The following NDRG3 variants were observed in gnomAD, a reference collection of about 807,000 sequenced individuals.
The protein encoded by NDRG3 is protein NDRG3.
A neutral mutation model predicts 57.2 loss-of-function variants in NDRG3; 23 were observed. The observed-to-expected ratio is 0.40, with a 90% CI of 0.29 to 0.57. The LOEUF (loss-of-function observed/expected upper bound fraction) is 0.57. Among genes scored for constraint, NDRG3 ranks in the 20% least tolerant of loss-of-function variants. NDRG3 has a pLI of 0.42. For missense variants in NDRG3, 384 were observed against 457.3 expected (o/e 0.84, Z 1.46); for synonymous variants, 132 against 162.6 (o/e 0.81, Z 1.43).
At chr20:36,684,797 G>A (rs904088637) in intron 5 of NDRG3, among the ~76,000 whole-genome samples, 9 of 151,668 alleles carry the variant, frequency 5.9e-5, no homozygotes, top group African/African-American at 1.9e-4. Context: ...TGCCGTGAGC[G>A]GAGATCATGC....
At chr20:36,723,531 C>T (rs1984725139) in intron 1 of NDRG3, among the ~76,000 whole-genome samples, 1 of 151,916 alleles carries the variant, frequency 6.6e-6, no homozygotes, top group African/African-American at 2.4e-5. Context: ...AGGGTCCCTG[C>T]CTCTAAAGAG....
intron 1 of NDRG3, among the ~76,000 whole-genome samples, chr20:36,744,197 C>T (rs901852807): frequency 3.9e-5 from 6 of 152,096 alleles, no homozygotes; most frequent in Non-Finnish European, 8.8e-5. Flanking sequence ...CCGCAGCGCC[C>T]GGTCCATAAA....
intron 14 of NDRG3, 29 bp from the exon 15 acceptor site, chr20:36,656,440 T>C (rs1025717407): frequency 3.7e-6 from 6 of 1,614,004 alleles, no homozygotes; most frequent in Non-Finnish European, 5.1e-6. Flanking sequence ...AGGGCATTAA[T>C]TTTTGCATAG....
intron 3 of NDRG3, among the ~76,000 whole-genome samples, chr20:36,694,542 G>A (rs1449433877): frequency 6.6e-6 from 1 of 152,050 alleles, no homozygotes. Context: ...CTCTGGTGTG[G>A]TGTCTACTAG....
intron 2 of NDRG3, among the ~76,000 whole-genome samples, chr20:36,715,002 GTGTGTATA>G (rs1210468643): frequency 6.8e-3 from 269 of 39,422 alleles, no homozygotes; most frequent in East Asian, 0.03. Context: ...GTGTGTGTGT[GTGTGTATA>G]TATATATATA....
chr20:36,701,544 C>CTTTT (rs897071523), intron 3 of NDRG3, among the ~76,000 whole-genome samples: 1 of 124,276 alleles, frequency 8.0e-6, no homozygotes, highest in African/African-American at 2.9e-5. Flanking sequence ...GACCCTGTAT[C>CTTTT]TTTTTTTTTT....
intron 1 of NDRG3, among the ~76,000 whole-genome samples, chr20:36,723,927 G>A (rs1482700725): frequency 6.6e-6 from 1 of 151,874 alleles, no homozygotes. Context: ...GGCTGGTCTT[G>A]AACTCCTGCC....
intron 3 of NDRG3, among the ~76,000 whole-genome samples, chr20:36,692,242 C>T (rs961925915): frequency 7.2e-5 from 11 of 152,078 alleles, no homozygotes; most frequent in African/African-American, 2.7e-4. Context: ...GTTTTTGAGA[C>T]GGAGTCTTAC....
intron 1 of NDRG3, among the ~76,000 whole-genome samples, chr20:36,741,437 T>G (rs1985923966): frequency 6.6e-6 from 1 of 152,222 alleles, no homozygotes; most frequent in Non-Finnish European, 1.5e-5. Context: ...GCAAGCTCTT[T>G]TTTTAATCCA....
chr20:36,670,769 C>A (rs1366418658), intron 9 of NDRG3, among the ~76,000 whole-genome samples: 1 of 152,186 alleles, frequency 6.6e-6, no homozygotes, highest in Non-Finnish European at 1.5e-5. Flanking sequence ...GCTTTCTGAC[C>A]TCACTGCTCA....
chr20:36,686,903 A>T (rs1181282116), intron 5 of NDRG3, among the ~76,000 whole-genome samples: 1 of 151,962 alleles, frequency 6.6e-6, no homozygotes, highest in African/African-American at 2.4e-5. Context: ...CTTTCTGGGG[A>T]CAGGGTCTTG....
intron 8 of NDRG3, among the ~76,000 whole-genome samples, chr20:36,672,955 C>T (rs1035148927): frequency 1.3e-5 from 2 of 152,206 alleles, no homozygotes; most frequent in Admixed American, 6.5e-5. Flanking sequence ...CCTTGACCTC[C>T]CAGGCTCAAG....
intron 1 of NDRG3, among the ~76,000 whole-genome samples, chr20:36,722,817 C>T (rs1273814484): frequency 1.3e-5 from 2 of 152,098 alleles, no homozygotes; most frequent in Non-Finnish European, 2.9e-5. Context: ...AGGGATGGCT[C>T]GTGTAACTAA....
At chr20:36,728,570 C>T (rs949104511) in intron 1 of NDRG3, among the ~76,000 whole-genome samples, 1 of 152,210 alleles carries the variant, frequency 6.6e-6, no homozygotes, top group Non-Finnish European at 1.5e-5. Context: ...AACATCAAGT[C>T]TGTGCTCAAA....
intron 5 of NDRG3, among the ~76,000 whole-genome samples, chr20:36,685,726 C>T (rs543297385): frequency 7.0e-4 from 107 of 152,280 alleles, no homozygotes; most frequent in African/African-American, 2.3e-3. Flanking sequence ...AGTAAGCATC[C>T]GACTGGGAGC....
chr20:36,722,929 A>G (rs1190056510), intron 1 of NDRG3, among the ~76,000 whole-genome samples: 1 of 152,234 alleles, frequency 6.6e-6, no homozygotes, highest in Non-Finnish European at 1.5e-5. Context: ...TTCTAGGGGA[A>G]GCTAGCTGCC....
rs1450099267 is a variant in NDRG3, at chr20:36,652,121, T to C, written c.*1399A>G. On this transcript the variant is annotated 3_prime_UTR_variant, in exon 16 of 16. Coordinates refer to ENST00000349004, the MANE Select transcript of NDRG3 (RefSeq NM_032013.4). ...AAAAGGGAGTTCATAGGATTAACAA[T>C]CTTTCTAATGGCTGGGAGCAATGAC... is the stretch of plus-strand genomic sequence containing the variant. 1 of 152,192 alleles carries C rather than the reference T, an allele frequency of 6.6e-6. No homozygotes were observed. Among genetic ancestry groups the C allele is most frequent in the Non-Finnish European group, 1.5e-5 (1 of 68,064 alleles). The allele number at this position is 152,192 out of a possible 1,614,324, so 9.4% of individuals were successfully genotyped here. A position where few individuals can be genotyped will look rare whatever the true frequency, so the allele number is the denominator to read the frequency against.
At chr20:36,696,649 T>C (rs928569145) in intron 3 of NDRG3, among the ~76,000 whole-genome samples, 2 of 151,822 alleles carry the variant, frequency 1.3e-5, no homozygotes, top group Admixed American at 1.3e-4. Flanking sequence ...CGCGCCACCA[T>C]GCCTAGCTAA....
At chr20:36,680,410 G>A (rs946187052) in intron 8 of NDRG3, among the ~76,000 whole-genome samples, 30 of 151,288 alleles carry the variant, frequency 2.0e-4, no homozygotes, top group Non-Finnish European at 3.5e-4. Flanking sequence ...TGCTTGAACC[G>A]GGAGGTGGAG....
Sources: gnomAD v4.1 joint callset for allele counts (sites outside exome capture counted in the v4.1 genomes callset) on GRCh38, gnomAD v4.1.1 for gene constraint, MANE v1.5 for transcripts, NCBI Gene and HGNC (gene_info 2026-07-23, HGNC 2026-07-21) for gene names.